The following DCLK1 variants were observed in gnomAD, a reference collection of about 807,000 sequenced individuals.
The protein encoded by DCLK1 is serine/threonine-protein kinase DCLK1.
A neutral mutation model predicts 86.2 loss-of-function variants in DCLK1; 16 were observed. That is an observed-to-expected ratio of 0.19 (90% CI 0.13 to 0.28). The LOEUF (loss-of-function observed/expected upper bound fraction) is 0.28, where lower values mean the gene tolerates loss of function less well. Among genes scored for constraint, DCLK1 ranks in the 10% least tolerant of loss-of-function variants. The pLI is 1.00. For missense variants in DCLK1, 590 were observed against 940.2 expected (o/e 0.63, Z 4.87); for synonymous variants, 369 against 370.5 (o/e 1.00, Z 0.05).
In DCLK1 at chr13:35,818,475, C is replaced by T. The variant is rs145300698; in HGVS notation, c.1554+4254G>A. Among the ~76,000 whole-genome samples, 978 of 152,300 alleles carry T rather than the reference C, an allele frequency of 6.4e-3. 1 individual carries two copies. Among genetic ancestry groups the T allele is most frequent in the Non-Finnish European group, 0.012 (814 of 68,028 alleles). ...CTGGGAGCAGGCACAAACACTTGAA[C>T]ACAGAGTTTCTAGCCAAGGAGAGGC... On this transcript the variant is annotated intron_variant, in intron 11 of 16. Coordinates refer to ENST00000360631, the MANE Select transcript of DCLK1 (RefSeq NM_001330071.2).
intron 4 of DCLK1, among the ~76,000 whole-genome samples, chr13:35,913,353 C>T (rs1007311479): frequency 2.0e-4 from 30 of 152,038 alleles, no homozygotes; most frequent in African/African-American, 7.3e-4. Context: ...ACATTTTCCC[C>T]TTAGCATACA....
At chr13:35,904,337 G>A (rs570395305) in intron 4 of DCLK1, among the ~76,000 whole-genome samples, 1 of 152,096 alleles carries the variant, frequency 6.6e-6, no homozygotes, top group Non-Finnish European at 1.5e-5. Context: ...TGCCTCAGCC[G>A]GGTGCCACCA....
chr13:36,042,935 ACTTT>A (rs1882745441), intron 3 of DCLK1, among the ~76,000 whole-genome samples: 1 of 152,216 alleles, frequency 6.6e-6, no homozygotes, highest in African/African-American at 2.4e-5. Context: ...AGAATTATTC[ACTTT>A]CTTCTACATA....
chr13:36,129,190 A>G (rs1886286017), intron 1 of DCLK1, among the ~76,000 whole-genome samples: 1 of 152,250 alleles, frequency 6.6e-6, no homozygotes, highest in Non-Finnish European at 1.5e-5. Context: ...AAGAGTGCAC[A>G]TCGAATTCTC....
intron 11 of DCLK1, among the ~76,000 whole-genome samples, chr13:35,819,273 T>A (rs1397993119): frequency 6.6e-6 from 1 of 152,180 alleles, no homozygotes; most frequent in Non-Finnish European, 1.5e-5. Flanking sequence ...GCTGAAAACA[T>A]CCCTGTAAGT....
chr13:36,123,449 T>C (rs565137420), intron 2 of DCLK1, among the ~76,000 whole-genome samples: 21 of 152,312 alleles, frequency 1.4e-4, no homozygotes, highest in Admixed American at 1.2e-3. Flanking sequence ...AATTTTTTTT[T>C]CCCAAAAAAG....
chr13:36,117,459 T>C (rs1323658539), intron 2 of DCLK1, among the ~76,000 whole-genome samples: 2 of 152,038 alleles, frequency 1.3e-5, no homozygotes, highest in African/African-American at 4.8e-5. Flanking sequence ...AACAAAATAA[T>C]ACAAGGTGCT....
chr13:36,072,129 AC>A (rs982176748), intron 3 of DCLK1, among the ~76,000 whole-genome samples: 2 of 152,112 alleles, frequency 1.3e-5, no homozygotes, highest in African/African-American at 4.8e-5. Flanking sequence ...GTTTTCCTAA[AC>A]TAGCTCCCTC....
At chr13:36,090,794 C>G (rs1884791230) in intron 3 of DCLK1, among the ~76,000 whole-genome samples, 1 of 152,116 alleles carries the variant, frequency 6.6e-6, no homozygotes, top group Non-Finnish European at 1.5e-5. Flanking sequence ...AGAGAAACAG[C>G]AGGGGAGCAC....
intron 6 of DCLK1, chr13:35,846,327 A>G: frequency 4.1e-6 from 4 of 985,292 alleles, no homozygotes; most frequent in Non-Finnish European, 4.8e-6. Context: ...ATGAGTATCA[A>G]CTCCTCAAAA....
chr13:36,105,337 A>C (rs1002920426), intron 3 of DCLK1, among the ~76,000 whole-genome samples: 1 of 152,220 alleles, frequency 6.6e-6, no homozygotes, highest in Non-Finnish European at 1.5e-5. Flanking sequence ...AAATTTGTTA[A>C]GTGTCAGCTT....
intron 9 of DCLK1, 72 bp from the exon 10 acceptor site, chr13:35,827,826 T>A: frequency 6.4e-7 from 1 of 1,569,002 alleles, no homozygotes; most frequent in Non-Finnish European, 8.7e-7. Flanking sequence ...TGAGTACAAC[T>A]ATACTATGTA....
intron 5 of DCLK1, among the ~76,000 whole-genome samples, chr13:35,859,874 G>A (rs758987598): frequency 3.3e-5 from 5 of 152,126 alleles, no homozygotes; most frequent in African/African-American, 7.2e-5. Context: ...GACTTTCCAC[G>A]CATATGTAGG....
At position 35,772,535 on chromosome 13, in the gene DCLK1, C is replaced by T. The variant is rs2086350850; in HGVS notation, c.*2000G>A. 2 of 152,092 alleles carry T rather than the reference C, an allele frequency of 1.3e-5. No homozygotes were observed. The highest frequency in any genetic ancestry group is 1.3e-4 in the Admixed American group (2 of 15,266). The allele number at this position is 152,092 out of a possible 1,614,324, so 9.4% of individuals were successfully genotyped here. The stretch of plus-strand genomic sequence containing the variant: ...TCAGTGTTCCTCATTAATATGGAAT[C>T]TACCTACACACCAACACTCTTTCTG... On this transcript the variant is annotated 3_prime_UTR_variant, in exon 17 of 17. Coordinates refer to ENST00000360631, the MANE Select transcript of DCLK1 (RefSeq NM_001330071.2).
At chr13:35,834,717 G>A (rs1393723875) in intron 8 of DCLK1, among the ~76,000 whole-genome samples, 2 of 152,194 alleles carry the variant, frequency 1.3e-5, no homozygotes, top group Non-Finnish European at 2.9e-5. Flanking sequence ...GGGAATGAGA[G>A]GGAGAGAGGA....
intron 5 of DCLK1, among the ~76,000 whole-genome samples, chr13:35,862,041 A>G (rs1163396530): frequency 1.4e-5 from 2 of 142,106 alleles, no homozygotes; most frequent in African/African-American, 6.1e-5. Flanking sequence ...TCAAAAAAAA[A>G]AAAAAAAAAA....
intron 3 of DCLK1, among the ~76,000 whole-genome samples, chr13:35,964,653 TC>T (rs1034285070): frequency 2.0e-5 from 3 of 152,158 alleles, no homozygotes; most frequent in Non-Finnish European, 4.4e-5. Context: ...CATACAAAAA[TC>T]TGAGCATCAA....
At chr13:36,031,598 ATTC>A (rs572245364) in intron 3 of DCLK1, among the ~76,000 whole-genome samples, 4 of 152,196 alleles carry the variant, frequency 2.6e-5, no homozygotes, top group Non-Finnish European at 4.4e-5. Flanking sequence ...AAGGTTCCTT[ATTC>A]TTATTAGATA....
At chr13:36,029,653 G>A (rs554405514) in intron 3 of DCLK1, among the ~76,000 whole-genome samples, 2 of 152,266 alleles carry the variant, frequency 1.3e-5, no homozygotes, top group African/African-American at 4.8e-5. Context: ...CAAAGGAAAG[G>A]CTCAAGAGAG....
Sources: allele counts gnomAD v4.1 joint callset (sites outside exome capture counted in the v4.1 genomes callset), GRCh38; gene constraint gnomAD v4.1.1; transcripts MANE v1.5; gene names NCBI Gene and HGNC (gene_info 2026-07-23, HGNC 2026-07-21).